NFATC3: variants seen among roughly 807,000 people sequenced by gnomAD.
The protein encoded by NFATC3 is nuclear factor of activated T cells 3.
In NFATC3, 46 loss-of-function variants were observed where a neutral mutation model predicts 98.6. The ratio of observed to expected loss-of-function variants is 0.47; its 90% CI spans 0.37 to 0.60. The LOEUF is 0.60. NFATC3 is among the 20% of genes least tolerant of loss of function. NFATC3 has a pLI of 0.00. For missense variants in NFATC3, 1,256 were observed against 1,295.5 expected, an observed-to-expected ratio of 0.97 and a Z score of 0.47; for synonymous variants, 512 against 472.2, an observed-to-expected ratio of 1.08 and a Z score of -1.09.
chr16:68,194,438 A>G (rs879306336), intron 9 of NFATC3, among the ~76,000 whole-genome samples: 1 of 152,230 alleles, frequency 6.6e-6, no homozygotes, highest in African/African-American at 2.4e-5. Context: ...AGCTGGCATA[A>G]GTGTCACTCC....
chr16:68,150,133 G>A (rs2038236762), intron 3 of NFATC3, among the ~76,000 whole-genome samples: 1 of 151,996 alleles, frequency 6.6e-6, no homozygotes, highest in African/African-American at 2.4e-5. Flanking sequence ...TAAACCTTTG[G>A]TGGTTATATC....
rs759487446 is a variant in NFATC3, at chr16:68,214,354, C to G, written c.3107-11996C>G. 1.9e-6 allele frequency: 3 copies of G among 1,614,140 alleles called. No homozygotes were observed. In the Admixed American group the frequency reaches 5.0e-5, roughly 27 times the overall value. On this transcript the variant is annotated intron_variant, in intron 9 of 9. Transcript: ENST00000346183. Reference sequence around the variant, plus strand: ...ACCAATTTATATCTGACTTGGAACACCAGCCATCAGGTTCAGCAGAGAAAT... The same window carrying G: ...ACCAATTTATATCTGACTTGGAACAGCAGCCATCAGGTTCAGCAGAGAAAT...
intron 6 of NFATC3, among the ~76,000 whole-genome samples, chr16:68,179,164 G>GA (rs2039848156): frequency 6.6e-6 from 1 of 152,128 alleles, no homozygotes; most frequent in Non-Finnish European, 1.5e-5. Context: ...CTCAGTTCAA[G>GA]AGCTCTTCCA....
At chr16:68,192,517 C>G (rs1388420279) in intron 9 of NFATC3, among the ~76,000 whole-genome samples, 1 of 151,788 alleles carries the variant, frequency 6.6e-6, no homozygotes, top group Admixed American at 6.6e-5. Context: ...TGAATGCTGT[C>G]CTTTTGCAAG....
At chr16:68,120,170 A>T (rs1238515532) in intron 1 of NFATC3, among the ~76,000 whole-genome samples, 1 of 151,100 alleles carries the variant, frequency 6.6e-6, no homozygotes, top group East Asian at 1.9e-4. Flanking sequence ...GGTCTCGGCT[A>T]CTTGAAAGGT....
chr16:68,218,168 TC>T (rs1458776883), intron 9 of NFATC3: 2 of 386,116 alleles, frequency 5.2e-6, no homozygotes, highest in African/African-American at 4.4e-5. Context: ...GCTCAAGTGA[TC>T]CTCTTGTCTC....
At chr16:68,184,284 A>AT (rs1387193833) in intron 8 of NFATC3, among the ~76,000 whole-genome samples, 1 of 152,150 alleles carries the variant, frequency 6.6e-6, no homozygotes, top group Non-Finnish European at 1.5e-5. Context: ...AGGATTTAAA[A>AT]TGGGCCTTAG....
rs1045889067 is a variant in NFATC3 at position 68,088,963 on chromosome 16, C to G, written c.103+3179C>G. ...CAGGTGTGAGCCACTGCACATAGCC[C>G]CTATATTTTGTTAAATAAGTGAATA... On this transcript the variant is annotated intron_variant, in intron 1 of 9. Coordinates refer to ENST00000346183, the MANE Select transcript of NFATC3 (RefSeq NM_173165.3). The G allele has an allele frequency of 3.0e-6, 3 of 985,202 alleles. No homozygotes were observed. In the African/African-American group the frequency reaches 5.2e-5, roughly 17 times the overall value. The allele number at this position is 985,202 out of a possible 1,614,324, so 61.0% of individuals were successfully genotyped here.
At chr16:68,161,201 C>G (rs946391962) in intron 4 of NFATC3, among the ~76,000 whole-genome samples, 32 of 152,124 alleles carry the variant, frequency 2.1e-4, no homozygotes, top group Non-Finnish European at 5.9e-5. Flanking sequence ...TATATAGCAT[C>G]AGAAGCATGT....
rs1196837328 is a variant in NFATC3, at chr16:68,085,756, G to C, written c.75G>C (p.Ala25=). 4.0e-6 allele frequency: 6 copies of C among 1,502,366 alleles called. No individual in the cohort carries two copies. The highest frequency in any genetic ancestry group is 4.4e-6 in the Non-Finnish European group (5 of 1,130,244). The allele number at this position is 1,502,366 out of a possible 1,614,324, so 93.1% of individuals were successfully genotyped here. A position where few individuals can be genotyped will look rare whatever the true frequency, so the allele number is the denominator to read the frequency against. The part of the protein sequence containing the change: ...KLVFGEDGAP[A]PPPPGSRPAD... ...TCTTTGGCGAGGACGGGGCGCCGGC[G>C]CCGCCGCCCCCGGGCTCGCGGCCTG... Residue 25 remains alanine (A), a synonymous_variant, in exon 1 of 10, where the codon GCG becomes GCC. Transcript: ENST00000346183.
Position 68,128,291 on chromosome 16 carries a change from C to T in NFATC3, c.1401+1681C>T, listed in dbSNP as rs543996934. 2.2e-4 allele frequency among the ~76,000 whole-genome samples: 34 copies of T among 151,134 alleles called. 1 individual carries two copies. In the South Asian group the frequency reaches 6.5e-3, roughly 29 times the overall value. On this transcript the variant is annotated intron_variant, in intron 3 of 9. Transcript: ENST00000346183. ...TCTGATCATGTTTTATAGTTCTTTACGTATAAAGATTTACATTTTAGATGG... is the reference window on the plus strand; with the variant it reads ...TCTGATCATGTTTTATAGTTCTTTATGTATAAAGATTTACATTTTAGATGG...
chr16:68,144,245 T>C (rs2037912480), intron 3 of NFATC3, among the ~76,000 whole-genome samples: 1 of 152,178 alleles, frequency 6.6e-6, no homozygotes, highest in South Asian at 2.1e-4. Context: ...TATCATTACA[T>C]ACCTATTAGA....
intron 5 of NFATC3, among the ~76,000 whole-genome samples, chr16:68,172,398 A>T (rs945495312): frequency 7.9e-5 from 12 of 152,200 alleles, no homozygotes; most frequent in Admixed American, 7.9e-4. Context: ...ATGTGAAGAG[A>T]TATAATCAAC....
At position 68,166,765 on chromosome 16, in the gene NFATC3, A is replaced by C. The variant is rs143539646; in HGVS notation, c.1602-78A>C. 3.3e-4 allele frequency: 387 copies of C among 1,162,658 alleles called. 3 individuals are homozygous for C. In the African/African-American group the frequency reaches 5.2e-3, roughly 16 times the overall value. The allele number at this position is 1,162,658 out of a possible 1,614,324, so 72.0% of individuals were successfully genotyped here. On this transcript the variant is annotated intron_variant, in intron 4 of 9. Coordinates refer to ENST00000346183, the MANE Select transcript of NFATC3 (RefSeq NM_173165.3). ...TTGGGTAGTTTTTTTCTGACAAATT[A>C]ACAATTTCTATGTAGTTGAGTTGTT...
At chr16:68,101,591 C>G (rs2035363887) in intron 1 of NFATC3, among the ~76,000 whole-genome samples, 1 of 151,704 alleles carries the variant, frequency 6.6e-6, no homozygotes, top group Admixed American at 6.6e-5. Context: ...TCACGCCATT[C>G]TCTTGTCTCA....
chr16:68,109,496 T>G (rs192706002), intron 1 of NFATC3, among the ~76,000 whole-genome samples: 1,879 of 152,346 alleles, frequency 0.012, 42 homozygotes, highest in Admixed American at 0.046. Flanking sequence ...TTGAGGATTT[T>G]GGGATCAATG....
intron 9 of NFATC3, among the ~76,000 whole-genome samples, chr16:68,220,945 G>A (rs2041843135): frequency 1.3e-5 from 2 of 151,788 alleles, no homozygotes; most frequent in South Asian, 4.2e-4. Context: ...TTGTCACTTT[G>A]TTTGTTGGCC....
At chr16:68,170,387 A>C (rs1249320974) in intron 5 of NFATC3, among the ~76,000 whole-genome samples, 1 of 84,170 alleles carries the variant, frequency 1.2e-5, no homozygotes, top group African/African-American at 6.1e-5. Context: ...ATTCTGTCTC[A>C]AAAAAAAAAA....
chr16:68,100,945 C>A (rs1207012316), intron 1 of NFATC3, among the ~76,000 whole-genome samples: 1 of 150,872 alleles, frequency 6.6e-6, no homozygotes, highest in Admixed American at 6.6e-5. Flanking sequence ...ACAAGTCTAT[C>A]AAATATATGC....
Sources: gnomAD v4.1 joint callset for allele counts (sites outside exome capture counted in the v4.1 genomes callset) on GRCh38, gnomAD v4.1.1 for gene constraint, MANE v1.5 for transcripts, NCBI Gene and HGNC (gene_info 2026-07-23, HGNC 2026-07-21) for gene names.